TAOK3: variants seen among roughly 807,000 people sequenced by gnomAD.
TAOK3 encodes the protein TAO kinase 3, also known as serine/threonine-protein kinase TAO3.
Under a neutral mutation model 120.4 loss-of-function variants are expected in TAOK3, and 40 were observed. That is an observed-to-expected ratio of 0.33 (90% CI 0.26 to 0.43). The LOEUF (loss-of-function observed/expected upper bound fraction) is 0.43, where lower values mean the gene tolerates loss of function less well. TAOK3 is among the 20% of genes least tolerant of loss of function. TAOK3 has a pLI of 1.00. For synonymous variants in TAOK3, 355 were observed against 387.5 expected (o/e 0.92, Z 0.99); for missense variants, 821 against 1,112.1 (o/e 0.74, Z 3.72).
intron 2 of TAOK3, among the ~76,000 whole-genome samples, chr12:118,262,516 A>G (rs923050530): frequency 6.6e-6 from 1 of 151,948 alleles, no homozygotes; most frequent in Non-Finnish European, 1.5e-5. Flanking sequence ...ATTTAAAAAT[A>G]TCATGGTAGC....
Position 118,178,598 on chromosome 12 carries a change from C to G in TAOK3, c.1567-1269G>C, listed in dbSNP as rs546380877. On this transcript the variant is annotated intron_variant, in intron 15 of 20. Transcript: ENST00000392533. Reference sequence around the variant, plus strand: ...TCAGCCTCCCCAGTAGCTGGGATTACAGGCACAAGCCACCACATCCACCTA... The same window carrying G: ...TCAGCCTCCCCAGTAGCTGGGATTAGAGGCACAAGCCACCACATCCACCTA... 6.6e-5 allele frequency among the ~76,000 whole-genome samples: 10 copies of G among 152,274 alleles called. No individual in the cohort carries two copies. The South Asian group carries it at 1.0e-3, about 16-fold the overall frequency.
At chr12:118,338,889 T>G (rs1188837073) in intron 1 of TAOK3, among the ~76,000 whole-genome samples, 1 of 151,464 alleles carries the variant, frequency 6.6e-6, no homozygotes, top group Admixed American at 6.6e-5. Context: ...ATCTTTTAGT[T>G]GTGTCTTACA....
intron 1 of TAOK3, among the ~76,000 whole-genome samples, chr12:118,336,268 A>G (rs1455941874): frequency 6.6e-6 from 1 of 152,228 alleles, no homozygotes; most frequent in African/African-American, 2.4e-5. Context: ...CAGAATAAAG[A>G]AAGAACCCAG....
intron 14 of TAOK3, among the ~76,000 whole-genome samples, chr12:118,187,638 T>C (rs1253706307): frequency 6.6e-6 from 1 of 152,082 alleles, no homozygotes. Flanking sequence ...ACAAATACCA[T>C]TGAACTCTGG....
chr12:118,178,922 C>CG (rs1193259222), intron 15 of TAOK3, among the ~76,000 whole-genome samples: 4 of 152,136 alleles, frequency 2.6e-5, no homozygotes, highest in African/African-American at 9.7e-5. Context: ...GTAAGACGAG[C>CG]GACTTGGGAG....
intron 1 of TAOK3, among the ~76,000 whole-genome samples, chr12:118,368,921 G>T (rs1002077785): frequency 6.6e-6 from 1 of 151,204 alleles, no homozygotes; most frequent in Non-Finnish European, 1.5e-5. Flanking sequence ...CACTTTGGCA[G>T]GTGGAGGCGG....
At chr12:118,244,122 T>C (rs1246869392) in intron 4 of TAOK3, among the ~76,000 whole-genome samples, 1 of 152,208 alleles carries the variant, frequency 6.6e-6, no homozygotes, top group African/African-American at 2.4e-5. Flanking sequence ...GAGTACAGTG[T>C]TGCAGTCACA....
At chr12:118,168,489 TTGA>T (rs781552032) in intron 17 of TAOK3, among the ~76,000 whole-genome samples, 7 of 152,216 alleles carry the variant, frequency 4.6e-5, no homozygotes, top group Non-Finnish European at 1.0e-4. Flanking sequence ...TTTTTATATG[TTGA>T]TATCTCAATA....
At chr12:118,196,193 A>G (rs528880671) in intron 13 of TAOK3, among the ~76,000 whole-genome samples, 1 of 152,276 alleles carries the variant, frequency 6.6e-6, no homozygotes, top group Admixed American at 6.5e-5. Context: ...ATGTCAAAGG[A>G]AAATTTTCAG....
intron 1 of TAOK3, among the ~76,000 whole-genome samples, chr12:118,342,178 T>C (rs1310454975): frequency 6.6e-6 from 1 of 152,230 alleles, no homozygotes; most frequent in African/African-American, 2.4e-5. Flanking sequence ...TTATGTGGCT[T>C]CCTCACCTCA....
chr12:118,315,664 T>C (rs1250715385), intron 1 of TAOK3, among the ~76,000 whole-genome samples: 2 of 152,168 alleles, frequency 1.3e-5, no homozygotes, highest in Admixed American at 6.5e-5. Context: ...TTCTGCAAGT[T>C]TGAAATATTT....
intron 14 of TAOK3, among the ~76,000 whole-genome samples, chr12:118,187,304 T>C (rs566890085): frequency 6.6e-6 from 1 of 152,334 alleles, no homozygotes; most frequent in East Asian, 1.9e-4. Context: ...TTTTTTATTA[T>C]ACTGGACTTT....
chr12:118,251,439 T>C (rs963852592), intron 3 of TAOK3, among the ~76,000 whole-genome samples: 8 of 152,208 alleles, frequency 5.3e-5, no homozygotes, highest in African/African-American at 1.9e-4. Context: ...TGGGTGTACA[T>C]AGGCCTGTAC....
At chr12:118,278,703 G>T (rs182077747) in intron 1 of TAOK3, among the ~76,000 whole-genome samples, 1 of 152,298 alleles carries the variant, frequency 6.6e-6, no homozygotes, top group East Asian at 1.9e-4. Flanking sequence ...GCTTTAAGTT[G>T]AGAAATCGCC....
At chr12:118,269,848 T>C (rs1482047581) in intron 1 of TAOK3, among the ~76,000 whole-genome samples, 1 of 152,246 alleles carries the variant, frequency 6.6e-6, no homozygotes. Flanking sequence ...CTGAAGACAG[T>C]ATTCCTGAAG....
chr12:118,298,771 A>G (rs1277929915), intron 1 of TAOK3, among the ~76,000 whole-genome samples: 3 of 152,226 alleles, frequency 2.0e-5, no homozygotes, highest in East Asian at 1.9e-4. Flanking sequence ...TTCCATATAG[A>G]TATTTGACTT....
rs554502166 is a variant in TAOK3, at chr12:118,181,355, G to A, written c.1566+16C>T. 1 of 1,598,010 alleles carries A rather than the reference G, an allele frequency of 6.3e-7. No homozygotes were observed. The highest frequency in any genetic ancestry group is 1.1e-5 in the South Asian group (1 of 90,246). ...GGGCTTGGTTGTGGCATGAAGGCGT[G>A]TGTGCACATACTGACCTCCTTTTCT... On this transcript the variant is annotated intron_variant, in intron 15 of 20. Transcript: ENST00000392533.
rs547048692 is a variant in TAOK3, at chr12:118,358,028, T to C, written c.-194+14620A>G. 1.2e-4 allele frequency among the ~76,000 whole-genome samples: 18 copies of C among 152,370 alleles called. No individual in the cohort carries two copies. The East Asian group carries it at 2.9e-3, about 24-fold the overall frequency. On this transcript the variant is annotated intron_variant, in intron 1 of 20. Coordinates refer to ENST00000392533, the MANE Select transcript of TAOK3 (RefSeq NM_016281.4). ...CTGCACAGTATTATGAGTTTGGATATGACAGTCACATGTTAGCCTATGCAT... is the reference window on the plus strand; with the variant it reads ...CTGCACAGTATTATGAGTTTGGATACGACAGTCACATGTTAGCCTATGCAT...
intron 14 of TAOK3, 63 bp downstream of exon 14, chr12:118,189,744 G>T: frequency 1.9e-6 from 3 of 1,600,366 alleles, no homozygotes; most frequent in South Asian, 1.1e-5. Flanking sequence ...CAGGGAGGGC[G>T]AGAGGCTGCC....
Sources: gnomAD v4.1 joint callset for allele counts (sites outside exome capture counted in the v4.1 genomes callset) on GRCh38, gnomAD v4.1.1 for gene constraint, MANE v1.5 for transcripts, NCBI Gene and HGNC (gene_info 2026-07-23, HGNC 2026-07-21) for gene names.